Variants in CA6 observed in about 807,000 individuals in gnomAD.
CA6 encodes the protein carbonate dehydratase VI.
In CA6, 28 loss-of-function variants were observed where a neutral mutation model predicts 35.9. That is an observed-to-expected ratio of 0.78 (90% CI 0.58 to 1.07). The LOEUF is 1.07. Ranked by LOEUF, CA6 falls within the 50% of genes least tolerant of loss-of-function variation. CA6 has a pLI of 0.00. For synonymous variants in CA6, 148 were observed against 152.6 expected, an observed-to-expected ratio of 0.97 and a Z score of 0.22; for missense variants, 377 against 382.0, an observed-to-expected ratio of 0.99 and a Z score of 0.11.
At chr1:8,959,950 A>AAAAAAAAAAAAAG (rs1557626625) in intron 4 of CA6, among the ~76,000 whole-genome samples, 1 of 144,594 alleles carries the variant, frequency 6.9e-6, no homozygotes. Flanking sequence ...AAAAAAAAAA[A>AAAAAAAAAAAAAG]GCTGGGCGCG....
chr1:8,946,042 CTT>C (rs879044243), intron 1 of CA6, 77 bp downstream of exon 1: 4,167 of 655,522 alleles, frequency 6.4e-3, no homozygotes, highest in East Asian at 9.9e-3. Context: ...TCTTCTTCTT[CTT>C]TTTTTTTTTT....
At chr1:8,954,007 G>T (rs1243307898) in intron 2 of CA6, among the ~76,000 whole-genome samples, 1 of 152,172 alleles carries the variant, frequency 6.6e-6, no homozygotes, top group Non-Finnish European at 1.5e-5. Context: ...GTTTACATAT[G>T]ACATGGCAAC....
In CA6 at chr1:8,945,925, G is replaced by A; in HGVS notation, c.39G>A (p.Leu13=). 6.2e-7 allele frequency: 1 copy of A among 1,613,830 alleles called. No individual in the cohort carries two copies. Among genetic ancestry groups the A allele is most frequent in the Non-Finnish European group, 8.5e-7 (1 of 1,179,802 alleles). The part of the protein sequence containing the change: ...ALVLLLSLFL[L]GGQAQHVSDW... ...TGCTTCTGCTGTCCCTGTTCCTGCTGGGTGGCCAGGCCCAGCATGTGTCTG... is the reference window on the plus strand; with the variant it reads ...TGCTTCTGCTGTCCCTGTTCCTGCTAGGTGGCCAGGCCCAGCATGTGTCTG... The change falls in exon 1 of 8, where the codon CTG becomes CTA. Residue 13 remains leucine (L), a synonymous_variant. Coordinates refer to ENST00000377443, the MANE Select transcript of CA6 (RefSeq NM_001215.4).
Position 8,958,992 on chromosome 1 carries a change from C to T in CA6, c.491C>T (p.Ala164Val). The T allele has an allele frequency of 6.2e-7, 1 of 1,607,060 alleles. No homozygotes were observed. Among genetic ancestry groups the T allele is most frequent in the Non-Finnish European group, 8.5e-7 (1 of 1,173,758 alleles). ...CCGGATGGTTTGGCTGTACTGGCAG[C>T]CTTCGTTGAGGTAAGCAGAAACTAC... Reference protein sequence around the residue: ...DAPDGLAVLAAFVEVKNYPEN... With the variant: ...DAPDGLAVLAVFVEVKNYPEN... The change falls in exon 4 of 8, where the codon GCC becomes GTC. Residue 164 changes from alanine to valine, a missense_variant. Transcript: ENST00000377443.
intron 7 of CA6, among the ~76,000 whole-genome samples, chr1:8,973,804 TC>T (rs1468216077): frequency 2.8e-5 from 4 of 143,822 alleles, no homozygotes; most frequent in African/African-American, 1.0e-4. Context: ...CCTCCCTCTC[TC>T]TCTCTCTCTC....
intron 6 of CA6, among the ~76,000 whole-genome samples, chr1:8,969,991 C>T (rs111863260): frequency 0.016 from 2,416 of 151,982 alleles, 39 homozygotes; most frequent in South Asian, 0.031. Context: ...GGCGAATGGC[C>T]TGAGGAGTTT....
intron 2 of CA6, among the ~76,000 whole-genome samples, chr1:8,954,299 G>A (rs145529031): frequency 6.6e-6 from 1 of 151,962 alleles, no homozygotes; most frequent in Non-Finnish European, 1.5e-5. Flanking sequence ...CAAGTAGCTG[G>A]GTTTACAGGC....
At chr1:8,946,172 G>A (rs993176611) in intron 1 of CA6, among the ~76,000 whole-genome samples, 1 of 151,968 alleles carries the variant, frequency 6.6e-6, no homozygotes, top group African/African-American at 2.4e-5. Context: ...CGAGTACCTG[G>A]GATTACAGGT....
intron 4 of CA6, among the ~76,000 whole-genome samples, chr1:8,962,310 G>T (rs1639861661): frequency 6.6e-6 from 1 of 151,728 alleles, no homozygotes; most frequent in Non-Finnish European, 1.5e-5. Flanking sequence ...GTAAGAGTTG[G>T]CCATTTCTGA....
rs893459191 is a variant in CA6, at chr1:8,963,350, G to A, written c.571+694G>A. ...TCTCTCCCAGCTTAGATTCCACCCC[G>A]ATACTCTCAAGTCTCCCTCAACACT... On this transcript the variant is annotated intron_variant, in intron 5 of 7. Transcript: ENST00000377443. This position sits in a 1 kb window ranked among gnomAD's most constrained non-coding sequence, Gnocchi z 4.1. 2.6e-5 allele frequency among the ~76,000 whole-genome samples: 4 copies of A among 151,940 alleles called. No homozygotes were observed. Among genetic ancestry groups the A allele is most frequent in the South Asian group, 4.2e-4 (2 of 4,802 alleles).
intron 4 of CA6, among the ~76,000 whole-genome samples, chr1:8,959,856 C>T (rs61784255): frequency 0.046 from 6,503 of 142,418 alleles, 200 homozygotes; most frequent in Admixed American, 0.11. Context: ...CACTTGAACC[C>T]GGGAGGTGGA....
At chr1:8,951,611 A>T in intron 2 of CA6, 1 of 765,190 alleles carries the variant, frequency 1.3e-6, no homozygotes, top group Non-Finnish European at 2.4e-6. Context: ...AGAAGAGGGA[A>T]GGCATATGGA....
At chr1:8,965,075 C>T (rs1274613496) in intron 5 of CA6, among the ~76,000 whole-genome samples, 1 of 152,100 alleles carries the variant, frequency 6.6e-6, no homozygotes, top group Admixed American at 6.6e-5. Flanking sequence ...TGAACCCCGT[C>T]TCTACTAAAA....
intron 7 of CA6, among the ~76,000 whole-genome samples, chr1:8,973,737 T>TTTC (rs1640175427): frequency 5.2e-5 from 1 of 19,342 alleles, no homozygotes; most frequent in East Asian, 8.5e-3. Context: ...TCTTTCTTTC[T>TTTC]TTCTTTCTTT....
At chr1:8,973,473 G>A (rs1452563437) in intron 7 of CA6, among the ~76,000 whole-genome samples, 2 of 152,148 alleles carry the variant, frequency 1.3e-5, no homozygotes, top group African/African-American at 2.4e-5. Context: ...ATCTCCTCAC[G>A]AGGGGGTCAG....
At chr1:8,974,234 A>G in intron 7 of CA6, 2 of 642,610 alleles carry the variant, frequency 3.1e-6, no homozygotes, top group Non-Finnish European at 5.1e-6. Context: ...TGATATGATT[A>G]ACCCACCTGC....
intron 2 of CA6, chr1:8,951,497 C>A (rs753276678): frequency 6.5e-6 from 5 of 765,062 alleles, no homozygotes; most frequent in Non-Finnish European, 1.2e-5. Flanking sequence ...AGGCCAAAGG[C>A]AGTGGCTTTG....
chr1:8,966,212 C>T (rs529898220), intron 5 of CA6, among the ~76,000 whole-genome samples: 105 of 152,178 alleles, frequency 6.9e-4, no homozygotes, highest in African/African-American at 2.2e-3. Context: ...CAAGTTCAAG[C>T]GCTTCTCCTG....
chr1:8,966,921 G>A (rs565829554), intron 5 of CA6, among the ~76,000 whole-genome samples: 6 of 152,070 alleles, frequency 3.9e-5, no homozygotes, highest in African/African-American at 1.4e-4. Flanking sequence ...AAGAGCTCAG[G>A]ACCAAATGCC....
Sources: gnomAD v4.1 joint callset for allele counts (sites outside exome capture counted in the v4.1 genomes callset) on GRCh38, gnomAD v4.1.1 for gene constraint, Gnocchi (gnomAD v3.1) non-coding constraint, MANE v1.5 for transcripts, NCBI Gene and HGNC (gene_info 2026-07-23, HGNC 2026-07-21) for gene names.